The following COL19A1 variants were observed in gnomAD, a reference collection of about 807,000 sequenced individuals.
COL19A1 encodes collagen alpha-1(XIX) chain.
Under a neutral mutation model 190.2 loss-of-function variants are expected in COL19A1, and 159 were observed. The observed-to-expected ratio is 0.84, with a 90% confidence interval of 0.73 to 0.95. The LOEUF (loss-of-function observed/expected upper bound fraction) is 0.95. Ranked by LOEUF, COL19A1 falls within the 40% of genes least tolerant of loss-of-function variation. The probability of loss-of-function intolerance (pLI) is 0.00; values close to 1 mark genes in which losing one functional copy is unlikely to be tolerated. For missense variants in COL19A1, 1,418 were observed against 1,431.9 expected, an observed-to-expected ratio of 0.99 and a Z score of 0.16; for synonymous variants, 509 against 458.9, an observed-to-expected ratio of 1.11 and a Z score of -1.39.
chr6:70,044,350 C>T (rs1181465474), intron 14 of COL19A1, among the ~76,000 whole-genome samples: 1 of 152,182 alleles, frequency 6.6e-6, no homozygotes, highest in African/African-American at 2.4e-5. Flanking sequence ...TAATTTCCTT[C>T]AAGAAGTTTT....
rs116944893 is a variant in COL19A1 at position 69,969,737 on chromosome 6, T to C, written c.1026+6867T>C. On this transcript the variant is annotated intron_variant, in intron 11 of 50. Coordinates refer to ENST00000620364, the MANE Select transcript of COL19A1 (RefSeq NM_001858.6). ...ACTTGAGCATCCATGGACTTTGTTA[T>C]CAGCAGGGATCCTGGAACCAATCCC... 4.0e-4 allele frequency among the ~76,000 whole-genome samples: 61 copies of C among 152,306 alleles called. No individual in the cohort carries two copies. The East Asian group carries it at 0.01, about 26-fold the overall frequency.
chr6:69,922,733 G>C (rs941586577), intron 4 of COL19A1, among the ~76,000 whole-genome samples: 2 of 151,942 alleles, frequency 1.3e-5, no homozygotes, highest in African/African-American at 4.8e-5. Context: ...TGCCCGCCTC[G>C]GCCTCCCAAA....
At chr6:69,944,854 T>G (rs946995981) in intron 9 of COL19A1, among the ~76,000 whole-genome samples, 1 of 152,052 alleles carries the variant, frequency 6.6e-6, no homozygotes, top group Non-Finnish European at 1.5e-5. Flanking sequence ...CAAGCGATTT[T>G]AACCATGCTC....
chr6:69,996,916 T>TTGTGTGTGTGTG (rs200468204), intron 11 of COL19A1, among the ~76,000 whole-genome samples: 19 of 146,116 alleles, frequency 1.3e-4, no homozygotes, highest in African/African-American at 4.5e-4. Flanking sequence ...TCAAAAAGAC[T>TTGTGTGTGTGTG]TGTGTGTGTG....
At chr6:69,910,898 A>G (rs1010854515) in intron 4 of COL19A1, among the ~76,000 whole-genome samples, 1 of 152,188 alleles carries the variant, frequency 6.6e-6, no homozygotes, top group Non-Finnish European at 1.5e-5. Flanking sequence ...CTAATTAGTT[A>G]TTATCCTTAG....
At chr6:70,204,108 A>G (rs1443283070) in intron 49 of COL19A1, among the ~76,000 whole-genome samples, 1 of 152,086 alleles carries the variant, frequency 6.6e-6, no homozygotes, top group Non-Finnish European at 1.5e-5. Flanking sequence ...TGATCCACCC[A>G]TCTTGGCCTC....
chr6:69,948,955 G>A (rs1773973885), intron 9 of COL19A1, among the ~76,000 whole-genome samples: 1 of 151,798 alleles, frequency 6.6e-6, no homozygotes, highest in Non-Finnish European at 1.5e-5. Context: ...TAATGAGTGT[G>A]TCTGTGTGAA....
intron 36 of COL19A1, 81 bp from the exon 37 acceptor site, chr6:70,165,860 C>A: frequency 7.9e-7 from 1 of 1,272,826 alleles, no homozygotes; most frequent in South Asian, 1.2e-5. Context: ...GAAGATGGCT[C>A]TGTGATTAAT....
rs1278224484 is a variant in COL19A1 at position 70,163,396 on chromosome 6, G to T, written c.2400G>T (p.Lys800Asn). 8 of 1,610,924 alleles carry T rather than the reference G, an allele frequency of 5.0e-6. No homozygotes were observed. The highest frequency in any genetic ancestry group is 6.8e-6 in the Non-Finnish European group (8 of 1,178,404). Residue 800 changes from lysine (K) to asparagine (N), a missense_variant and splice_region_variant, in exon 36 of 51, where the codon AAG becomes AAT. Transcript: ENST00000620364. ...HPGPTGAKGE[K>N]GSDGPPGKPG... Reference sequence around the variant, plus strand: ...GTCCCACAGGAGCAAAAGGTGAAAAGGTACAAAGGAAAAGCCTCACTTACC... The same window carrying T: ...GTCCCACAGGAGCAAAAGGTGAAAATGTACAAAGGAAAAGCCTCACTTACC...
intron 15 of COL19A1, among the ~76,000 whole-genome samples, chr6:70,079,511 T>A (rs74476646): frequency 0.02 from 3,078 of 152,212 alleles, 102 homozygotes; most frequent in African/African-American, 0.069. Context: ...GGTAAACCTA[T>A]ATATAGGAAT....
intron 5 of COL19A1, 68 bp from the exon 6 acceptor site, chr6:69,929,357 C>T (rs759281249): frequency 6.8e-7 from 1 of 1,479,586 alleles, no homozygotes; most frequent in Non-Finnish European, 9.1e-7. Context: ...TTGAGCTTTT[C>T]TTTGTGTGCT....
chr6:69,981,932 A>G (rs1342964397), intron 11 of COL19A1, among the ~76,000 whole-genome samples: 1 of 152,146 alleles, frequency 6.6e-6, no homozygotes, highest in African/African-American at 2.4e-5. Flanking sequence ...GAAAAGCACA[A>G]GAGAAATGGA....
At position 70,077,510 on chromosome 6, in the gene COL19A1, C is replaced by A. The variant is rs576709829; in HGVS notation, c.1224+9034C>A. ...GATTAATTTGATATTTATTTGATATCTCTAATATGTCCAACACAAACATAT... is the reference window on the plus strand; with the variant it reads ...GATTAATTTGATATTTATTTGATATATCTAATATGTCCAACACAAACATAT... On this transcript the variant is annotated intron_variant, in intron 15 of 50. Transcript: ENST00000620364. Among the ~76,000 whole-genome samples the A allele has an allele frequency of 4.6e-5, 7 of 152,196 alleles. No individual in the cohort carries two copies. In the East Asian group the frequency reaches 1.4e-3, roughly 29 times the overall value.
intron 34 of COL19A1, among the ~76,000 whole-genome samples, chr6:70,159,352 A>G (rs904090677): frequency 2.0e-5 from 3 of 151,968 alleles, no homozygotes; most frequent in African/African-American, 7.2e-5. Context: ...GGGGAATAAA[A>G]AGAATGAGTA....
At chr6:70,183,506 T>G (rs1766313740) in intron 44 of COL19A1, among the ~76,000 whole-genome samples, 1 of 152,182 alleles carries the variant, frequency 6.6e-6, no homozygotes, top group African/African-American at 2.4e-5. Context: ...GAACTACACT[T>G]TTACTCTAGA....
intron 10 of COL19A1, among the ~76,000 whole-genome samples, chr6:69,960,763 A>T (rs188704081): frequency 6.6e-6 from 1 of 151,608 alleles, no homozygotes; most frequent in Admixed American, 6.6e-5. Context: ...AGGAGCTGGG[A>T]CTACAGGTGC....
intron 11 of COL19A1, among the ~76,000 whole-genome samples, chr6:69,984,527 CATA>C (rs1736691222): frequency 6.6e-6 from 1 of 152,148 alleles, no homozygotes; most frequent in East Asian, 1.9e-4. Context: ...TTTTGGTATT[CATA>C]ATATTTACAT....
At chr6:69,924,144 G>A (rs1489623055) in intron 4 of COL19A1, among the ~76,000 whole-genome samples, 1 of 152,014 alleles carries the variant, frequency 6.6e-6, no homozygotes, top group Non-Finnish European at 1.5e-5. Flanking sequence ...GGGTACATGT[G>A]CACAATGTGC....
At chr6:70,006,023 G>GA (rs1478047622) in intron 11 of COL19A1, among the ~76,000 whole-genome samples, 6 of 152,116 alleles carry the variant, frequency 3.9e-5, no homozygotes, top group South Asian at 2.1e-4. Context: ...AGCACAGACT[G>GA]AAAAGCCCTT....
Sources: gnomAD v4.1 joint callset for allele counts (sites outside exome capture counted in the v4.1 genomes callset) on GRCh38, gnomAD v4.1.1 for gene constraint, MANE v1.5 for transcripts, NCBI Gene and HGNC (gene_info 2026-07-23, HGNC 2026-07-21) for gene names.